Variants in HELQ observed in about 807,000 individuals in gnomAD.
HELQ encodes helicase, POLQ like, also known as helicase POLQ-like.
A neutral mutation model predicts 111.6 loss-of-function variants in HELQ; 77 were observed. That is an observed-to-expected ratio of 0.69 (90% CI 0.57 to 0.83). The LOEUF is 0.83. HELQ is among the 40% of genes least tolerant of loss of function. The pLI, the probability that HELQ is intolerant of heterozygous loss-of-function variation, is 0.00. For synonymous variants in HELQ, 438 were observed against 454.7 expected, an observed-to-expected ratio of 0.96 and a Z score of 0.47; for missense variants, 1,200 against 1,288.5, an observed-to-expected ratio of 0.93 and a Z score of 1.05.
chr4:83,427,052 T>C (rs1428701076), intron 13 of HELQ, among the ~76,000 whole-genome samples: 1 of 152,248 alleles, frequency 6.6e-6, no homozygotes, highest in African/African-American at 2.4e-5. Flanking sequence ...CGAGCTTTCA[T>C]GTAATTAAAC....
At chr4:83,437,424 G>A (rs1720519142) in intron 8 of HELQ, among the ~76,000 whole-genome samples, 1 of 151,878 alleles carries the variant, frequency 6.6e-6, no homozygotes, top group African/African-American at 2.4e-5. Context: ...ATCAGCTTGG[G>A]CAGTGAAGCA....
intron 7 of HELQ, 109 bp downstream of exon 7, chr4:83,441,196 A>G: frequency 1.5e-6 from 1 of 658,806 alleles, no homozygotes; most frequent in Non-Finnish European, 2.7e-6. Flanking sequence ...GTCAAGCATC[A>G]GCTGTTTCTC....
At chr4:83,454,850 ACTGGC>A (rs1395937675) in intron 1 of HELQ, among the ~76,000 whole-genome samples, 1 of 152,208 alleles carries the variant, frequency 6.6e-6, no homozygotes, top group African/African-American at 2.4e-5. Context: ...ATCTACAGTG[ACTGGC>A]CTCTAACAGA....
chr4:83,446,345 C>A (rs1405231088), intron 4 of HELQ, among the ~76,000 whole-genome samples: 1 of 152,056 alleles, frequency 6.6e-6, no homozygotes, highest in Non-Finnish European at 1.5e-5. Flanking sequence ...TGGCTCTTGA[C>A]CCCCAGGCTG....
chr4:83,429,660 A>C lies in HELQ; in HGVS notation c.2382T>G (p.Ser794Arg), dbSNP rs199826536. 1 of 1,613,162 alleles carries C rather than the reference A, an allele frequency of 6.2e-7. No homozygotes were observed. The highest frequency in any genetic ancestry group is 8.5e-7 in the Non-Finnish European group (1 of 1,179,408). Residue 794 changes from serine to arginine, a missense_variant, in exon 12 of 18, where the codon AGT becomes AGG. Physicochemically the swap from Ser to Arg is moderately radical, Grantham distance 110. This residue lies in a region of HELQ where 585 missense variants were observed against 665.3 expected (regional missense o/e 0.88). Transcript: ENST00000295488. The part of the protein sequence containing the change: ...VQQKVLLKEK[S>R]LWEITVESLR... ...GTGATTCAACAGTTATTTCCCAGAG[A>C]CTTTTTTCTTTCAATAAAACCTTTT...
chr4:83,409,685 A>G (rs1738986139), intron 17 of HELQ, among the ~76,000 whole-genome samples: 1 of 152,196 alleles, frequency 6.6e-6, no homozygotes, highest in African/African-American at 2.4e-5. Flanking sequence ...AATATTCTCA[A>G]ATAAAAATCT....
At chr4:83,424,704 C>T (rs1213906453) in intron 14 of HELQ, among the ~76,000 whole-genome samples, 1 of 152,084 alleles carries the variant, frequency 6.6e-6, no homozygotes, top group East Asian at 1.9e-4. Flanking sequence ...ATTACAGGTG[C>T]CCACCACCAC....
intron 6 of HELQ, 32 bp from the exon 7 acceptor site, chr4:83,441,435 G>T: frequency 1.0e-6 from 1 of 978,326 alleles, no homozygotes; most frequent in South Asian, 1.4e-5. Context: ...CAATTAATAC[G>T]ACATATAAAT....
chr4:83,441,400 C>A lies in HELQ; in HGVS notation c.1567G>T (p.Glu523Ter). ...TTTATTTTCAGATATTCTTTTAACT[C>A]AACCTTGAATTAAAAGGACATTTGC... is the stretch of plus-strand genomic sequence containing the variant. ...EYYTSQFRPVELKEYLKINDT... is the reference protein window; with the variant it reads ...EYYTSQFRPV The change falls in exon 7 of 18, where the codon GAG becomes TAG. Residue 523 changes from glutamate to a stop codon, truncating the protein, a stop_gained. Transcript: ENST00000295488. LOFTEE classifies it high-confidence loss of function. The A allele has an allele frequency of 6.9e-7, 1 of 1,452,398 alleles. No homozygotes were observed. Among genetic ancestry groups the A allele is most frequent in the South Asian group, 1.2e-5 (1 of 84,216 alleles). The allele number at this position is 1,452,398 out of a possible 1,614,324, so 90.0% of individuals were successfully genotyped here.
intron 8 of HELQ, among the ~76,000 whole-genome samples, chr4:83,439,561 G>A (rs111697475): frequency 0.012 from 1,783 of 149,152 alleles, 48 homozygotes; most frequent in African/African-American, 0.043. Context: ...GGGTTTCACC[G>A]TGTTGGCCAG....
chr4:83,416,075 T>A (rs1739342077), intron 17 of HELQ, among the ~76,000 whole-genome samples: 1 of 151,106 alleles, frequency 6.6e-6, no homozygotes, highest in South Asian at 2.1e-4. Context: ...GCCTCCCGAG[T>A]AGCTGGGATT....
At chr4:83,451,060 T>C (rs1253520223) in intron 2 of HELQ, among the ~76,000 whole-genome samples, 1 of 152,182 alleles carries the variant, frequency 6.6e-6, no homozygotes, top group Non-Finnish European at 1.5e-5. Context: ...CGCTTTAGCT[T>C]AATAAAAAGT....
At chr4:83,408,643 G>A (rs1738922846) in intron 17 of HELQ, among the ~76,000 whole-genome samples, 1 of 150,838 alleles carries the variant, frequency 6.6e-6, no homozygotes, top group Non-Finnish European at 1.5e-5. Context: ...CAAACTCTTG[G>A]GCTCAAACGA....
intron 11 of HELQ, among the ~76,000 whole-genome samples, chr4:83,431,373 G>C (rs941859546): frequency 1.3e-5 from 2 of 151,900 alleles, no homozygotes; most frequent in African/African-American, 4.8e-5. Flanking sequence ...GCCCAGGCTG[G>C]TCTTGAACTC....
At chr4:83,413,199 T>C (rs1202120527) in intron 17 of HELQ, among the ~76,000 whole-genome samples, 1 of 152,224 alleles carries the variant, frequency 6.6e-6, no homozygotes, top group Non-Finnish European at 1.5e-5. Context: ...ACGCATGTTT[T>C]CCTGAGTTTC....
intron 16 of HELQ, among the ~76,000 whole-genome samples, chr4:83,417,404 T>C (rs1022019624): frequency 6.6e-6 from 1 of 152,114 alleles, no homozygotes; most frequent in Non-Finnish European, 1.5e-5. Context: ...GGTTTCACCA[T>C]GTGGGCCAGG....
intron 17 of HELQ, among the ~76,000 whole-genome samples, chr4:83,410,364 A>T (rs1739021433): frequency 6.6e-6 from 1 of 152,210 alleles, no homozygotes; most frequent in African/African-American, 2.4e-5. Context: ...TTAAACCCCA[A>T]ACCAAGTAAC....
intron 2 of HELQ, 183 bp downstream of exon 2, chr4:83,453,048 G>A (rs1449614129): frequency 1.9e-6 from 1 of 532,374 alleles, no homozygotes; most frequent in Non-Finnish European, 3.3e-6. Context: ...GTGACTGTGA[G>A]GGAAGGAAAG....
intron 9 of HELQ, among the ~76,000 whole-genome samples, chr4:83,432,474 TTTTA>T (rs1423125357): frequency 6.6e-6 from 1 of 152,186 alleles, no homozygotes; most frequent in Admixed American, 6.5e-5. Context: ...TAATATACTT[TTTTA>T]TTTCATTTTT....
Sources: gnomAD v4.1 joint callset for allele counts (sites outside exome capture counted in the v4.1 genomes callset) on GRCh38, gnomAD v4.1.1 for gene constraint, gnomAD v4.1.1 regional missense constraint, MANE v1.5 for transcripts, NCBI Gene and HGNC (gene_info 2026-07-23, HGNC 2026-07-21) for gene names.